The following PPT2 variants were observed in gnomAD, a reference collection of about 807,000 sequenced individuals.
PPT2 encodes lysosomal thioesterase PPT2.
PPT2 carries 20 observed loss-of-function variants against 37.3 expected under a neutral mutation model. The ratio of observed to expected loss-of-function variants is 0.54; its 90% confidence interval spans 0.38 to 0.78. The LOEUF (loss-of-function observed/expected upper bound fraction) is 0.78, where lower values mean the gene tolerates loss of function less well. PPT2 is among the 30% of genes least tolerant of loss of function. The pLI, the probability that PPT2 is intolerant of heterozygous loss-of-function variation, is 0.00. For missense variants in PPT2, 270 were observed against 389.8 expected, an observed-to-expected ratio of 0.69 and a Z score of 2.59; for synonymous variants, 135 against 159.1, an observed-to-expected ratio of 0.85 and a Z score of 1.14.
At chr6:32,157,779 C>T in intron 6 of PPT2, 59 bp downstream of exon 6, 1 of 1,570,638 alleles carries the variant, frequency 6.4e-7, no homozygotes, top group South Asian at 1.1e-5. Flanking sequence ...CCCTATGTCT[C>T]CCTCTCCAAC....
chr6:32,155,862 G>T lies in PPT2; in HGVS notation c.434-9G>T, dbSNP rs2269425. 1 of 1,612,704 alleles carries T rather than the reference G, an allele frequency of 6.2e-7. No homozygotes were observed. The highest frequency in any genetic ancestry group is 8.5e-7 in the Non-Finnish European group (1 of 1,179,064). On this transcript the variant is annotated splice_polypyrimidine_tract_variant and intron_variant, in intron 4 of 8. Transcript: ENST00000324816. This position sits in a 1 kb window ranked among gnomAD's most constrained non-coding sequence, Gnocchi z 4.3. The stretch of plus-strand genomic sequence containing the variant: ...TTATGGTCACTTAGCATTGCCATTC[G>T]CTTGCCAGACACGGACTACTTGAAG...
At position 32,155,617 on chromosome 6, in the gene PPT2, TGGTG is replaced by T; in HGVS notation, c.338-68_338-65del. On this transcript the variant is annotated intron_variant, in intron 3 of 8. Transcript: ENST00000324816. The surrounding 1 kb of genome is among the most constrained non-coding windows in gnomAD (Gnocchi z 4.3). Reference sequence around the variant, plus strand: ...GTGTGTGTGTGTGTGTGTGTGTGTGTGGTGGGGGTGGGGGGTGCTGCTGGCTTTG... The same window carrying T: ...GTGTGTGTGTGTGTGTGTGTGTGTGTGGGGTGGGGGGTGCTGCTGGCTTTG... The T allele has an allele frequency of 1.2e-6, 1 of 868,340 alleles. No individual in the cohort carries two copies. Among genetic ancestry groups the T allele is most frequent in the Non-Finnish European group, 1.8e-6 (1 of 544,156 alleles). The allele number at this position is 868,340 out of a possible 1,614,324, so 53.8% of individuals were successfully genotyped here.
rs1317490328 is a variant in PPT2 at position 32,162,468 on chromosome 6, CCTT to C, written c.711-99_711-97del. 1 of 1,234,464 alleles carries C rather than the reference CCTT, an allele frequency of 8.1e-7. No homozygotes were observed. Among genetic ancestry groups the C allele is most frequent in the Non-Finnish European group, 1.2e-6 (1 of 841,546 alleles). 76.5% of individuals were successfully genotyped at this position (1,234,464 alleles called of 1,614,324 possible). ...CTCCTGGCCTCAGGTGATTTGCCCTCCTTGGCCTCCCAAAGTGCTGCAATTACA... is the reference window on the plus strand; with the variant it reads ...CTCCTGGCCTCAGGTGATTTGCCCTCGGCCTCCCAAAGTGCTGCAATTACA... On this transcript the variant is annotated intron_variant, in intron 7 of 8. Coordinates refer to ENST00000324816, the MANE Select transcript of PPT2 (RefSeq NM_005155.7). This position sits in a 1 kb window ranked among gnomAD's most constrained non-coding sequence, Gnocchi z 5.5.
Position 32,155,308 on chromosome 6 carries a change from C to T in PPT2, c.337+125C>T, listed in dbSNP as rs1783691536. On this transcript the variant is annotated intron_variant, in intron 3 of 8. Coordinates refer to ENST00000324816, the MANE Select transcript of PPT2 (RefSeq NM_005155.7). This position sits in a 1 kb window ranked among gnomAD's most constrained non-coding sequence, Gnocchi z 4.3. ...CCAGGCACAACCCTGGTACCTGAGC[C>T]CTTCCTTTCTGACTTCCCTCAGCAC... The T allele has an allele frequency of 2.6e-6, 3 of 1,168,284 alleles. No individual in the cohort carries two copies. 72.4% of individuals were successfully genotyped at this position (1,168,284 alleles called of 1,614,324 possible).
chr6:32,158,310 A>C, intron 7 of PPT2: 1 of 187,086 alleles, frequency 5.3e-6, no homozygotes, highest in Non-Finnish European at 1.1e-5. Flanking sequence ...CATTGGTTCA[A>C]TGTGTGTGTG....
At position 32,154,942 on chromosome 6, in the gene PPT2, TA is replaced by T; in HGVS notation, c.184-87del. The T allele has an allele frequency of 6.3e-7, 1 of 1,579,142 alleles. No homozygotes were observed. On this transcript the variant is annotated intron_variant, in intron 2 of 8. Transcript: ENST00000324816. The surrounding 1 kb of genome is among the most constrained non-coding windows in gnomAD (Gnocchi z 7.3). Reference sequence around the variant, plus strand: ...GACGGGATCCCTGGTTCTAGCAGGGTACAATAGACCTGTGGACGCGGGCCAG... The same window carrying T: ...GACGGGATCCCTGGTTCTAGCAGGGTCAATAGACCTGTGGACGCGGGCCAG...
intron 6 of PPT2, 24 bp from the exon 7 acceptor site, chr6:32,157,816 G>C: frequency 1.2e-6 from 2 of 1,606,532 alleles, no homozygotes; most frequent in Non-Finnish European, 1.7e-6. Flanking sequence ...GGCTGACTCA[G>C]CCTCTCTTCT....
rs1783593889 is a variant in PPT2, at chr6:32,154,503, GA to G, written c.-8-83del. On this transcript the variant is annotated intron_variant, in intron 1 of 8. Coordinates refer to ENST00000324816, the MANE Select transcript of PPT2 (RefSeq NM_005155.7). The surrounding 1 kb of genome is among the most constrained non-coding windows in gnomAD (Gnocchi z 7.3). Reference sequence around the variant, plus strand: ...CACGGACCTGGTGTGGGAGCGAGAGGAGGTGGCTTGATTGCCGGGCGTCTGT... The same window carrying G: ...CACGGACCTGGTGTGGGAGCGAGAGGGGTGGCTTGATTGCCGGGCGTCTGT... The G allele has an allele frequency of 3.3e-6, 5 of 1,528,958 alleles. No homozygotes were observed. Among genetic ancestry groups the G allele is most frequent in the Admixed American group, 1.9e-5 (1 of 52,050 alleles). The allele number at this position is 1,528,958 out of a possible 1,614,324, so 94.7% of individuals were successfully genotyped here. A position where few individuals can be genotyped will look rare whatever the true frequency, so the allele number is the denominator to read the frequency against.
Position 32,162,830 on chromosome 6 carries a change from G to A in PPT2, c.789G>A (p.Gly263=). ...AGGTTTATCTGCGGGATTCTTTTGGGTTGAAGACTCTATTGGCCCGGGGGG... is the reference window on the plus strand; with the variant it reads ...AGGTTTATCTGCGGGATTCTTTTGGATTGAAGACTCTATTGGCCCGGGGGG... ...EQLVYLRDSF[G]LKTLLARGAI... The change falls in exon 9 of 9, where the codon GGG becomes GGA. Residue 263 remains glycine, a synonymous_variant. Coordinates refer to ENST00000324816, the MANE Select transcript of PPT2 (RefSeq NM_005155.7). This position sits in a 1 kb window ranked among gnomAD's most constrained non-coding sequence, Gnocchi z 5.5. The A allele has an allele frequency of 6.2e-7, 1 of 1,613,954 alleles. No homozygotes were observed. Among genetic ancestry groups the A allele is most frequent in the East Asian group, 2.2e-5 (1 of 44,874 alleles).
At position 32,154,753 on chromosome 6, in the gene PPT2, C is replaced by G; in HGVS notation, c.159C>G (p.Arg53=). The change falls in exon 2 of 9, where the codon CGC becomes CGG. Residue 53 remains arginine, a synonymous_variant. Coordinates refer to ENST00000324816, the MANE Select transcript of PPT2 (RefSeq NM_005155.7). The surrounding 1 kb of genome is among the most constrained non-coding windows in gnomAD (Gnocchi z 7.3). Reference sequence around the variant, plus strand: ...TCTTCGACAGCTCGTACAGCTTCCGCCACCTGCTGGAATACATCAATGAGG... The same window carrying G: ...TCTTCGACAGCTCGTACAGCTTCCGGCACCTGCTGGAATACATCAATGAGG... ...HGLFDSSYSF[R]HLLEYINETH... is the part of the protein sequence containing the mutation. The G allele has an allele frequency of 6.2e-7, 1 of 1,612,928 alleles. No individual in the cohort carries two copies. The highest frequency in any genetic ancestry group is 8.5e-7 in the Non-Finnish European group (1 of 1,179,798).
At position 32,155,574 on chromosome 6, in the gene PPT2, G is replaced by C. The variant is rs1303916099; in HGVS notation, c.338-114G>C. On this transcript the variant is annotated intron_variant, in intron 3 of 8. Coordinates refer to ENST00000324816, the MANE Select transcript of PPT2 (RefSeq NM_005155.7). The surrounding 1 kb of genome is among the most constrained non-coding windows in gnomAD (Gnocchi z 4.3). The stretch of plus-strand genomic sequence containing the variant: ...TCTCCTTTGTGTACAGTGTGTGTCT[G>C]TGTGTGTCTCTGTGTGTGTGTGTGT... 3.2e-5 allele frequency: 27 copies of C among 831,100 alleles called. No homozygotes were observed. Among genetic ancestry groups the C allele is most frequent in the Non-Finnish European group, 4.3e-5 (22 of 508,350 alleles). The allele number at this position is 831,100 out of a possible 1,614,324, so 51.5% of individuals were successfully genotyped here. A position where few individuals can be genotyped will look rare whatever the true frequency, so the allele number is the denominator to read the frequency against.
Position 32,157,733 on chromosome 6 carries a change from G to C in PPT2, c.625+13G>C. On this transcript the variant is annotated intron_variant, in intron 6 of 8. Coordinates refer to ENST00000324816, the MANE Select transcript of PPT2 (RefSeq NM_005155.7). ...CCCAATGCCACAGGTGAGAATTCAG[G>C]CTCCTACCTGTGTTGCTTTTTCTGC... The C allele has an allele frequency of 1.3e-6, 2 of 1,577,492 alleles. No homozygotes were observed. The highest frequency in any genetic ancestry group is 1.7e-6 in the Non-Finnish European group (2 of 1,147,622).
In PPT2 at chr6:32,162,603, T is replaced by C. The variant is rs1430940030; in HGVS notation, c.746T>C (p.Leu249Pro). ...FGFYDANETV[L>P]EMEEQLVYLR... ...TTCTATGATGCAAATGAGACCGTCC[T>C]GGAGATGGAGGAGCAACTGGTGAGC... Residue 249 changes from leucine to proline, a missense_variant, in exon 8 of 9, where the codon CTG becomes CCG. Physicochemically the swap from Leu to Pro is moderately conservative, Grantham distance 98. Coordinates refer to ENST00000324816, the MANE Select transcript of PPT2 (RefSeq NM_005155.7). This position sits in a 1 kb window ranked among gnomAD's most constrained non-coding sequence, Gnocchi z 5.5. 15 of 1,610,944 alleles carry C rather than the reference T, an allele frequency of 9.3e-6. No homozygotes were observed. The highest frequency in any genetic ancestry group is 1.3e-5 in the Non-Finnish European group (15 of 1,177,042).
chr6:32,155,590 GT>G lies in PPT2; in HGVS notation c.338-97del. 1 of 680,454 alleles carries G rather than the reference GT, an allele frequency of 1.5e-6. No homozygotes were observed. Among genetic ancestry groups the G allele is most frequent in the Non-Finnish European group, 2.5e-6 (1 of 400,058 alleles). The allele number at this position is 680,454 out of a possible 1,614,324, so 42.2% of individuals were successfully genotyped here. On this transcript the variant is annotated intron_variant, in intron 3 of 8. Transcript: ENST00000324816. The surrounding 1 kb of genome is among the most constrained non-coding windows in gnomAD (Gnocchi z 4.3). ...TGTGTGTCTGTGTGTGTCTCTGTGTGTGTGTGTGTGTGTGTGTGTGTGTGTG... is the reference window on the plus strand; with the variant it reads ...TGTGTGTCTGTGTGTGTCTCTGTGTGGTGTGTGTGTGTGTGTGTGTGTGTG...
At position 32,155,706 on chromosome 6, in the gene PPT2, C is replaced by T; in HGVS notation, c.356C>T (p.Ala119Val). The T allele has an allele frequency of 6.2e-7, 1 of 1,613,928 alleles. No individual in the cohort carries two copies. The highest frequency in any genetic ancestry group is 1.3e-5 in the African/African-American group (1 of 74,936). The change falls in exon 4 of 9, where the codon GCT (alanine) becomes GTT (valine). Residue 119 changes from alanine (A) to valine (V), a missense_variant. Coordinates refer to ENST00000324816, the MANE Select transcript of PPT2 (RefSeq NM_005155.7). The surrounding 1 kb of genome is among the most constrained non-coding windows in gnomAD (Gnocchi z 4.3). ...CYSQGGLVCRALLSVMDDHNV... is the reference protein window; with the variant it reads ...CYSQGGLVCRVLLSVMDDHNV... ...CTTACAGGGGGCCTTGTGTGCCGGG[C>T]TCTGCTTTCTGTCATGGATGATCAC...
At position 32,155,002 on chromosome 6, in the gene PPT2, C is replaced by T. The variant is rs757814518; in HGVS notation, c.184-28C>T. 3.7e-6 allele frequency: 6 copies of T among 1,611,736 alleles called. No homozygotes were observed. The highest frequency in any genetic ancestry group is 1.1e-5 in the South Asian group (1 of 91,030). ...GTGTGGGAGCTTCTTAGCCTATCCCCGGTGGCTGCATTGCCCCCTTCCCAC... is the reference window on the plus strand; with the variant it reads ...GTGTGGGAGCTTCTTAGCCTATCCCTGGTGGCTGCATTGCCCCCTTCCCAC... On this transcript the variant is annotated intron_variant, in intron 2 of 8. Transcript: ENST00000324816. The surrounding 1 kb of genome is among the most constrained non-coding windows in gnomAD (Gnocchi z 4.3).
At position 32,156,029 on chromosome 6, in the gene PPT2, C is replaced by T. The variant is rs773614514; in HGVS notation, c.541+51C>T. The T allele has an allele frequency of 1.3e-5, 17 of 1,347,380 alleles. No homozygotes were observed. In the African/African-American group the frequency reaches 2.3e-4, roughly 18 times the overall value. The allele number at this position is 1,347,380 out of a possible 1,614,324, so 83.5% of individuals were successfully genotyped here. A position where few individuals can be genotyped will look rare whatever the true frequency, so the allele number is the denominator to read the frequency against. ...TTCCATGGATCAGGTCAGTTGCTTCCACCTCTGCTACAACCAATAGCAGTG... is the reference window on the plus strand; with the variant it reads ...TTCCATGGATCAGGTCAGTTGCTTCTACCTCTGCTACAACCAATAGCAGTG... On this transcript the variant is annotated intron_variant, in intron 5 of 8. Transcript: ENST00000324816. This position sits in a 1 kb window ranked among gnomAD's most constrained non-coding sequence, Gnocchi z 4.9.
Position 32,163,081 on chromosome 6 carries a change from G to T in PPT2, c.*131G>T. 3 of 1,161,514 alleles carry T rather than the reference G, an allele frequency of 2.6e-6. No homozygotes were observed. The highest frequency in any genetic ancestry group is 1.5e-5 in the South Asian group (1 of 66,260). 72.0% of individuals were successfully genotyped at this position (1,161,514 alleles called of 1,614,324 possible). On this transcript the variant is annotated 3_prime_UTR_variant, in exon 9 of 9. Coordinates refer to ENST00000324816, the MANE Select transcript of PPT2 (RefSeq NM_005155.7). The stretch of plus-strand genomic sequence containing the variant: ...CATATTATCCCCCATTTTTAGTAGA[G>T]ACGGGGTTTTAGTAGAGACTTGGCC...
rs759968448 is a variant in PPT2 at position 32,157,625 on chromosome 6, G to C, written c.542-12G>C. On this transcript the variant is annotated splice_polypyrimidine_tract_variant and intron_variant, in intron 5 of 8. Coordinates refer to ENST00000324816, the MANE Select transcript of PPT2 (RefSeq NM_005155.7). ...TTTTCTGCTTCTTTTTCTAACTGCT[G>C]TTTGTACCCAGATCCCCACCACGAT... The C allele has an allele frequency of 1.9e-6, 3 of 1,572,228 alleles. No individual in the cohort carries two copies. The highest frequency in any genetic ancestry group is 2.7e-5 in the African/African-American group (2 of 73,834).
Sources: allele counts gnomAD v4.1 joint callset, GRCh38; gene constraint gnomAD v4.1.1; non-coding constraint Gnocchi (gnomAD v3.1); transcripts MANE v1.5; gene names NCBI Gene and HGNC (gene_info 2026-07-23, HGNC 2026-07-21).